CHD4: variants seen among roughly 807,000 people sequenced by gnomAD.
The protein encoded by CHD4 is chromodomain helicase DNA binding protein 4.
Under a neutral mutation model 235.5 loss-of-function variants are expected in CHD4, and 35 were observed. The observed-to-expected ratio is 0.15, with a 90% CI of 0.11 to 0.20. The LOEUF (loss-of-function observed/expected upper bound fraction) is 0.20, where lower values mean the gene tolerates loss of function less well. Among genes scored for constraint, CHD4 ranks in the 10% least tolerant of loss-of-function variants. The pLI is 1.00. For missense variants in CHD4, 1,329 were observed against 2,432.3 expected (o/e 0.55, Z 9.54); for synonymous variants, 900 against 850.2 (o/e 1.06, Z -1.02).
chr12:6,594,715 CT>C (rs1252947219), intron 14 of CHD4, 65 bp from the exon 15 acceptor site: 2 of 1,435,650 alleles, frequency 1.4e-6, no homozygotes, highest in African/African-American at 2.8e-5. Context: ...AATAGAGCAG[CT>C]GCTTCCTCCT....
intron 12 of CHD4, among the ~76,000 whole-genome samples, 176 bp from the exon 13 acceptor site, chr12:6,596,313 T>C (rs1306923802): frequency 2.6e-5 from 4 of 152,186 alleles, no homozygotes; most frequent in East Asian, 1.9e-4. Flanking sequence ...TAATTTATAC[T>C]TTCCTAGAGC....
At chr12:6,578,633 C>A in intron 34 of CHD4, 87 bp from the exon 35 acceptor site, 1 of 1,584,806 alleles carries the variant, frequency 6.3e-7, no homozygotes, top group Non-Finnish European at 8.6e-7. Flanking sequence ...CTACAAGAAT[C>A]CATCCACCTA....
chr12:6,580,134 G>A (rs574434073), intron 33 of CHD4: 1 of 152,170 alleles, frequency 6.6e-6, no homozygotes, highest in South Asian at 2.1e-4. Context: ...GGCTGAGGCA[G>A]GAGAATCGCT....
At chr12:6,574,322 A>G (rs1363811203) in intron 37 of CHD4, among the ~76,000 whole-genome samples, 3 of 150,698 alleles carry the variant, frequency 2.0e-5, no homozygotes, top group African/African-American at 7.5e-5. Context: ...ATATGAATAC[A>G]TGTTTCACCT....
intron 10 of CHD4, among the ~76,000 whole-genome samples, 183 bp from the exon 11 acceptor site, chr12:6,598,608 A>G (rs1948538721): frequency 6.6e-6 from 1 of 152,220 alleles, no homozygotes; most frequent in African/African-American, 2.4e-5. Context: ...CAAGAGATCG[A>G]GACCATCCTA....
rs143645855 is a variant in CHD4, at chr12:6,591,919, T to C, written c.3087A>G (p.Ala1029=). Residue 1029 remains alanine, a synonymous_variant, in exon 20 of 40, where the codon GCA becomes GCG. Transcript: ENST00000544040. The part of the protein sequence containing the change: ...CNHPYLFPVA[A]MEAPKMPNGM... ...AACAGGAGATGGCACTACATACCAT[T>C]GCAGCCACAGGGAAGAGGTATGGAT... 1,142 of 1,614,202 alleles carry C rather than the reference T, an allele frequency of 7.1e-4. 19 individuals are homozygous for C. The East Asian group carries it at 0.021, about 30-fold the overall frequency.
intron 2 of CHD4, 38 bp from the exon 3 acceptor site, chr12:6,602,535 G>C: frequency 6.2e-7 from 1 of 1,604,706 alleles, no homozygotes. Flanking sequence ...GCAGGGAAAA[G>C]ATCAATAGCA....
At chr12:6,577,710 G>A in intron 37 of CHD4, 75 bp downstream of exon 37, 1 of 1,579,592 alleles carries the variant, frequency 6.3e-7, no homozygotes, top group South Asian at 1.1e-5. Flanking sequence ...TGGATGGACA[G>A]ACTCCCTCTG....
chr12:6,575,588 T>C (rs1948056927), intron 37 of CHD4, among the ~76,000 whole-genome samples: 1 of 152,186 alleles, frequency 6.6e-6, no homozygotes, highest in Non-Finnish European at 1.5e-5. Context: ...CCTTTTCATT[T>C]TCCACAACCA....
intron 10 of CHD4, 133 bp from the exon 11 acceptor site, chr12:6,598,558 C>T: frequency 2.7e-6 from 2 of 749,612 alleles, no homozygotes; most frequent in South Asian, 2.0e-5. Context: ...TGCCTGAAAT[C>T]CCAGCACCTT....
At chr12:6,579,890 A>C (rs1030350972) in intron 33 of CHD4, among the ~76,000 whole-genome samples, 12 of 151,408 alleles carry the variant, frequency 7.9e-5, no homozygotes, top group African/African-American at 2.9e-4. Flanking sequence ...CCCCGTCTCT[A>C]CTAAAAATAC....
intron 3 of CHD4, 40 bp downstream of exon 3, chr12:6,602,336 T>C (rs11064278): frequency 1.2e-6 from 2 of 1,610,920 alleles, no homozygotes; most frequent in East Asian, 4.5e-5. Context: ...GCTCCTCCCT[T>C]CTTCCTCTGA....
rs149561722 is a variant in CHD4, at chr12:6,602,163, A to G, written c.235T>C (p.Cys79Arg). Residue 79 changes from cysteine to arginine, a missense_variant, in exon 4 of 40, where the codon TGC (cysteine) becomes CGC (arginine). By Grantham distance (180) the Cys-to-Arg change is radical. Coordinates refer to ENST00000544040, the MANE Select transcript of CHD4 (RefSeq NM_001273.5). ...KRQKKERMLL[C>R]RQLGDSSGEG... is the part of the protein sequence containing the mutation. ...CCAGAGCTGTCCCCCAGCTGCCGGCATAAGAGCATACGCTGGAGCAGGGCA... is the reference window on the plus strand; with the variant it reads ...CCAGAGCTGTCCCCCAGCTGCCGGCGTAAGAGCATACGCTGGAGCAGGGCA... The G allele has an allele frequency of 5.0e-6, 8 of 1,613,800 alleles. No individual in the cohort carries two copies. Among genetic ancestry groups the G allele is most frequent in the Non-Finnish European group, 6.8e-6 (8 of 1,179,970 alleles).
chr12:6,606,297 T>A lies in CHD4; in HGVS notation c.77A>T (p.Asn26Ile), dbSNP rs780413744. The change falls in exon 2 of 40, where the codon AAC (asparagine) becomes ATC (isoleucine). Residue 26 changes from asparagine to isoleucine, a missense_variant. Around this residue, in one of 26 missense-constraint regions of CHD4, gnomAD observed 213 missense variants for 177.5 expected, o/e 1.20. Transcript: ENST00000544040. ...EEEDMDALLN[N>I]SLPPPHPENE... ...ACCTGGGTGGGGTGGGGGCAGGCTG[T>A]TGTTCAAAAGTGCATCCATATCCTC... 1 of 1,586,156 alleles carries A rather than the reference T, an allele frequency of 6.3e-7. No individual in the cohort carries two copies. Among genetic ancestry groups the A allele is most frequent in the Admixed American group, 1.8e-5 (1 of 55,684 alleles).
At chr12:6,594,354 G>A (rs911724158) in intron 15 of CHD4, 105 bp downstream of exon 15, 3 of 1,026,220 alleles carry the variant, frequency 2.9e-6, no homozygotes, top group South Asian at 3.3e-5. Context: ...GTTCTTGAAG[G>A]TCAGAGACCA....
At chr12:6,579,021 T>A in intron 33 of CHD4, 104 bp from the exon 34 acceptor site, 1 of 1,077,996 alleles carries the variant, frequency 9.3e-7, no homozygotes, top group Non-Finnish European at 1.4e-6. Flanking sequence ...TGTCTGCAAT[T>A]ACAGTAATGT....
intron 25 of CHD4, chr12:6,587,022 C>G (rs1374185366): frequency 5.4e-6 from 1 of 184,302 alleles, no homozygotes; most frequent in African/African-American, 2.4e-5. Context: ...TAAATAAAAA[C>G]CAGAAAACAC....
intron 38 of CHD4, 145 bp downstream of exon 38, chr12:6,572,929 C>A (rs891539722): frequency 2.7e-6 from 2 of 742,074 alleles, no homozygotes; most frequent in East Asian, 3.0e-5. Context: ...AAGATACTAA[C>A]CTCCCAAGGA....
chr12:6,593,018 T>A lies in CHD4; in HGVS notation c.2652+73A>T, dbSNP rs1948427580. 2.0e-5 allele frequency: 32 copies of A among 1,584,370 alleles called. 1 individual carries two copies. In the South Asian group the frequency reaches 3.6e-4, roughly 18 times the overall value. Reference sequence around the variant, plus strand: ...CCCCTCTCCTCTCCATCTACAAGTTTTCCCCTTAATGAATTGGTAGTACTA... The same window carrying A: ...CCCCTCTCCTCTCCATCTACAAGTTATCCCCTTAATGAATTGGTAGTACTA... On this transcript the variant is annotated intron_variant, in intron 17 of 39. Transcript: ENST00000544040. This position sits in a 1 kb window ranked among gnomAD's most constrained non-coding sequence, Gnocchi z 4.9.
Sources: allele counts gnomAD v4.1 joint callset (sites outside exome capture counted in the v4.1 genomes callset), GRCh38; gene constraint gnomAD v4.1.1; regional missense constraint gnomAD v4.1.1; non-coding constraint Gnocchi (gnomAD v3.1); transcripts MANE v1.5; gene names NCBI Gene and HGNC (gene_info 2026-07-23, HGNC 2026-07-21).